ANK3: variants seen among roughly 807,000 people sequenced by gnomAD.
ANK3 encodes ankyrin 3, also known as ankyrin-3.
ANK3 carries 57 observed loss-of-function variants against 370.9 expected under a neutral mutation model. The ratio of observed to expected loss-of-function variants is 0.15; its 90% CI spans 0.12 to 0.19. The LOEUF (loss-of-function observed/expected upper bound fraction) is 0.19, where lower values mean the gene tolerates loss of function less well. Ranked by LOEUF, ANK3 falls within the 10% of genes least tolerant of loss-of-function variation. ANK3 has a pLI of 1.00. For missense variants in ANK3, 4,439 were observed against 5,302.1 expected (o/e 0.84, Z 5.06); for synonymous variants, 1,929 against 1,946.3 (o/e 0.99, Z 0.23).
At chr10:60,310,655 C>T (rs181428935) in intron 1 of ANK3, among the ~76,000 whole-genome samples, 167 of 152,222 alleles carry the variant, frequency 1.1e-3, no homozygotes, top group Non-Finnish European at 6.0e-4. Flanking sequence ...ACTTAGGAGC[C>T]GTAATGCCTA....
intron 1 of ANK3, among the ~76,000 whole-genome samples, chr10:60,650,996 T>C (rs898099185): frequency 1.3e-5 from 2 of 152,078 alleles, no homozygotes; most frequent in Admixed American, 1.3e-4. Flanking sequence ...CTCAGGAGGT[T>C]GAGGTGAGAG....
chr10:60,246,286 A>AAAG (rs1565961743), intron 7 of ANK3, among the ~76,000 whole-genome samples: 17 of 123,540 alleles, frequency 1.4e-4, no homozygotes, highest in South Asian at 3.4e-4. Context: ...AAAAAAGAAA[A>AAAG]AAGAAAAAAA....
chr10:60,042,887 C>G (rs1476664929), intron 42 of ANK3, 128 bp from the exon 43 acceptor site: 18 of 1,509,344 alleles, frequency 1.2e-5, no homozygotes, highest in Non-Finnish European at 1.5e-5. Flanking sequence ...CACTTCATGT[C>G]CAAAAATACG....
rs1034999275 is a variant in ANK3, at chr10:60,086,807, T to C, written c.3618A>G (p.Glu1206=). Residue 1206 remains glutamate (E), a synonymous_variant, in exon 30 of 44, where the codon GAA becomes GAG. Transcript: ENST00000280772. ...KATFSPIVTV[E]PRRRKFHKPI... ...GTTTATGGAATTTCCGTCTTCTTGG[T>C]TCCACAGTGACAATTGGGCTAAAAG... 6.2e-7 allele frequency: 1 copy of C among 1,614,012 alleles called. No individual in the cohort carries two copies. Among genetic ancestry groups the C allele is most frequent in the Non-Finnish European group, 8.5e-7 (1 of 1,179,978 alleles).
At chr10:60,494,912 A>G (rs1451362206) in intron 2 of ANK3, among the ~76,000 whole-genome samples, 1 of 152,212 alleles carries the variant, frequency 6.6e-6, no homozygotes, top group Non-Finnish European at 1.5e-5. Context: ...ACCACAGAAT[A>G]AGATGAATCC....
At chr10:60,623,104 T>A (rs1208689368) in intron 1 of ANK3, among the ~76,000 whole-genome samples, 1 of 152,124 alleles carries the variant, frequency 6.6e-6, no homozygotes. Context: ...TATTGGGTCT[T>A]CCCCCAGAAG....
chr10:60,601,054 CT>C (rs2078054238), intron 2 of ANK3, among the ~76,000 whole-genome samples: 1 of 151,994 alleles, frequency 6.6e-6, no homozygotes, highest in Non-Finnish European at 1.5e-5. Context: ...TGGGAAATAT[CT>C]TTTGGAACTC....
intron 4 of ANK3, among the ~76,000 whole-genome samples, chr10:60,274,442 C>T (rs912902442): frequency 6.6e-6 from 1 of 152,146 alleles, no homozygotes; most frequent in African/African-American, 2.4e-5. Context: ...GACAATGTCA[C>T]CCCTATTTTC....
chr10:60,473,626 C>T (rs2065269104), intron 2 of ANK3, among the ~76,000 whole-genome samples: 1 of 152,058 alleles, frequency 6.6e-6, no homozygotes, highest in Non-Finnish European at 1.5e-5. Context: ...CTAGGTAATG[C>T]AATTCACTGA....
chr10:60,565,463 C>A (rs143937008), intron 2 of ANK3, among the ~76,000 whole-genome samples: 2 of 152,126 alleles, frequency 1.3e-5, no homozygotes, highest in Non-Finnish European at 2.9e-5. Flanking sequence ...GGGTTGGGGA[C>A]CCCTGCTATA....
At chr10:60,506,301 A>T (rs1446330148) in intron 2 of ANK3, among the ~76,000 whole-genome samples, 1 of 152,110 alleles carries the variant, frequency 6.6e-6, no homozygotes, top group African/African-American at 2.4e-5. Context: ...GACTATGCAA[A>T]TGACACATAA....
At chr10:60,334,749 C>T (rs2052372954) in intron 1 of ANK3, among the ~76,000 whole-genome samples, 2 of 151,984 alleles carry the variant, frequency 1.3e-5, no homozygotes, top group Admixed American at 6.6e-5. Context: ...CAGTACAGTC[C>T]CCTTCTAGTG....
chr10:60,703,291 G>C (rs1275534494), intron 1 of ANK3, among the ~76,000 whole-genome samples: 1 of 152,110 alleles, frequency 6.6e-6, no homozygotes, highest in Non-Finnish European at 1.5e-5. Context: ...AGGTTTTTGG[G>C]GTTTTTTAAA....
chr10:60,649,072 G>C (rs1171158367), intron 1 of ANK3, among the ~76,000 whole-genome samples: 1 of 152,092 alleles, frequency 6.6e-6, no homozygotes, highest in Non-Finnish European at 1.5e-5. Flanking sequence ...GGCCATTCCT[G>C]GCTAATTTTC....
intron 9 of ANK3, among the ~76,000 whole-genome samples, chr10:60,212,709 GATA>G (rs2096875962): frequency 1.3e-5 from 2 of 152,216 alleles, no homozygotes; most frequent in South Asian, 4.1e-4. Flanking sequence ...TTGTTGCTTT[GATA>G]ATGTTTAGAG....
intron 8 of ANK3, among the ~76,000 whole-genome samples, chr10:60,228,008 T>C (rs897154455): frequency 1.1e-4 from 17 of 152,306 alleles, no homozygotes; most frequent in Non-Finnish European, 2.1e-4. Context: ...CTTGGTTTTG[T>C]CCAGAGCTGA....
chr10:60,195,966 C>T (rs2096579973), intron 16 of ANK3, among the ~76,000 whole-genome samples, 179 bp downstream of exon 16: 1 of 152,188 alleles, frequency 6.6e-6, no homozygotes, highest in African/African-American at 2.4e-5. Flanking sequence ...TCCTGAGTAT[C>T]TACCATATTA....
chr10:60,243,832 G>T (rs1337461061), intron 7 of ANK3, among the ~76,000 whole-genome samples: 1 of 152,176 alleles, frequency 6.6e-6, no homozygotes, highest in East Asian at 1.9e-4. Context: ...ACTAAATCAG[G>T]TGGATCTTAT....
intron 1 of ANK3, among the ~76,000 whole-genome samples, chr10:60,293,908 A>G (rs576362808): frequency 2.6e-5 from 4 of 152,342 alleles, no homozygotes; most frequent in African/African-American, 9.6e-5. Flanking sequence ...TACGTGGTAG[A>G]TTATATAAAA....
Sources: gnomAD v4.1 joint callset for allele counts (sites outside exome capture counted in the v4.1 genomes callset) on GRCh38, gnomAD v4.1.1 for gene constraint, MANE v1.5 for transcripts, NCBI Gene and HGNC (gene_info 2026-07-23, HGNC 2026-07-21) for gene names.